Variants in ZNF804B observed in about 807,000 individuals in gnomAD.
ZNF804B encodes the protein zinc finger protein 804B.
ZNF804B carries 80 observed loss-of-function variants against 101.4 expected under a neutral mutation model. The ratio of observed to expected loss-of-function variants is 0.79; its 90% confidence interval spans 0.66 to 0.95. ZNF804B has a LOEUF of 0.95. Among genes scored for constraint, ZNF804B ranks in the 40% least tolerant of loss-of-function variants. The pLI, the probability that ZNF804B is intolerant of heterozygous loss-of-function variation, is 0.00. For synonymous variants in ZNF804B, 622 were observed against 558.8 expected (o/e 1.11, Z -1.59); for missense variants, 1,673 against 1,561.9 (o/e 1.07, Z -1.20).
intron 1 of ZNF804B, among the ~76,000 whole-genome samples, chr7:88,825,879 G>C (rs964107091): frequency 1.1e-4 from 16 of 152,116 alleles, no homozygotes; most frequent in Non-Finnish European, 2.1e-4. Context: ...GTGCTGGCTT[G>C]GGTGATTCCT....
At chr7:88,790,451 G>A (rs550011757) in intron 1 of ZNF804B, among the ~76,000 whole-genome samples, 2 of 151,882 alleles carry the variant, frequency 1.3e-5, no homozygotes, top group Admixed American at 6.6e-5. Flanking sequence ...GGCCCTAGTG[G>A]GTGTTGTTTC....
At chr7:88,831,755 A>T (rs986953929) in intron 1 of ZNF804B, among the ~76,000 whole-genome samples, 11 of 151,644 alleles carry the variant, frequency 7.3e-5, no homozygotes, top group African/African-American at 2.7e-4. Flanking sequence ...TATTCTTATG[A>T]CAGACTGACC....
intron 1 of ZNF804B, among the ~76,000 whole-genome samples, chr7:89,012,420 A>C (rs1184245934): frequency 6.6e-6 from 1 of 152,072 alleles, no homozygotes; most frequent in Admixed American, 6.6e-5. Flanking sequence ...TTTCTTTTCT[A>C]TTGCATCATT....
chr7:89,089,283 A>C (rs1789849487), intron 1 of ZNF804B, among the ~76,000 whole-genome samples: 1 of 151,986 alleles, frequency 6.6e-6, no homozygotes, highest in African/African-American at 2.4e-5. Context: ...ATGTAACAAG[A>C]CATAATACTT....
At chr7:89,285,546 A>AG (rs1554389596) in intron 2 of ZNF804B, among the ~76,000 whole-genome samples, 14 of 93,444 alleles carry the variant, frequency 1.5e-4, no homozygotes, top group East Asian at 2.4e-4. Flanking sequence ...AAAAAAAAAA[A>AG]AAGAAGAAGA....
chr7:89,095,712 C>A (rs968383374), intron 1 of ZNF804B, among the ~76,000 whole-genome samples: 5 of 152,166 alleles, frequency 3.3e-5, no homozygotes, highest in African/African-American at 1.2e-4. Flanking sequence ...AGAATCCCAA[C>A]AAGTCAAAAT....
intron 2 of ZNF804B, among the ~76,000 whole-genome samples, chr7:89,226,971 A>G (rs1454238476): frequency 6.6e-6 from 1 of 152,144 alleles, no homozygotes; most frequent in Non-Finnish European, 1.5e-5. Flanking sequence ...CCTTACACAT[A>G]TATAGTAAAG....
At chr7:89,246,898 G>C (rs770935966) in intron 2 of ZNF804B, among the ~76,000 whole-genome samples, 3 of 152,070 alleles carry the variant, frequency 2.0e-5, no homozygotes, top group African/African-American at 7.2e-5. Flanking sequence ...GTATGCATGG[G>C]TGCCATCTCT....
At chr7:88,916,367 A>C (rs1438625199) in intron 1 of ZNF804B, among the ~76,000 whole-genome samples, 1 of 152,086 alleles carries the variant, frequency 6.6e-6, no homozygotes, top group Non-Finnish European at 1.5e-5. Context: ...ATTATAAGGT[A>C]TTTTCTGAGA....
chr7:88,772,570 A>AT (rs1790085176), intron 1 of ZNF804B, among the ~76,000 whole-genome samples: 1 of 152,212 alleles, frequency 6.6e-6, no homozygotes, highest in Admixed American at 6.5e-5. Flanking sequence ...AAGTAGACCA[A>AT]ATACATAGTA....
At chr7:88,882,878 A>G (rs1792064784) in intron 1 of ZNF804B, among the ~76,000 whole-genome samples, 1 of 152,062 alleles carries the variant, frequency 6.6e-6, no homozygotes, top group African/African-American at 2.4e-5. Flanking sequence ...GAGGAAGGGG[A>G]CAAGGGTTGA....
intron 2 of ZNF804B, among the ~76,000 whole-genome samples, chr7:89,266,152 T>C (rs990029294): frequency 7.9e-5 from 12 of 152,210 alleles, no homozygotes; most frequent in African/African-American, 2.4e-4. Context: ...ATTTCCATTC[T>C]TCTTCTGAGC....
chr7:89,184,883 A>C (rs940643926), intron 1 of ZNF804B, among the ~76,000 whole-genome samples: 3 of 152,168 alleles, frequency 2.0e-5, no homozygotes, highest in Non-Finnish European at 4.4e-5. Flanking sequence ...AACTAGACAG[A>C]ATATTTGACT....
rs146952132 is a variant in ZNF804B, at chr7:89,030,474, C to T, written c.109-187681C>T. Among the ~76,000 whole-genome samples the T allele has an allele frequency of 5.8e-3, 876 of 151,978 alleles. 9 individuals carry two copies. Among genetic ancestry groups the T allele is most frequent in the African/African-American group, 0.019 (787 of 41,470 alleles). On this transcript the variant is annotated intron_variant, in intron 1 of 3. Coordinates refer to ENST00000333190, the MANE Select transcript of ZNF804B (RefSeq NM_181646.5). ...GTATGCTTGATCATGACAAAAAAAACAAGATGAAAACATGTAGATTTATCA... is the reference window on the plus strand; with the variant it reads ...GTATGCTTGATCATGACAAAAAAAATAAGATGAAAACATGTAGATTTATCA...
chr7:89,336,556 G>T lies in ZNF804B; in HGVS notation c.3574G>T (p.Ala1192Ser), dbSNP rs1275837465. The T allele has an allele frequency of 6.2e-7, 1 of 1,613,994 alleles. No individual in the cohort carries two copies. ...PAAGPTAFSP[A>S]STVQTVPVHQ... ...TGCAGGGCCTACTGCCTTCTCTCCG[G>T]CCTCAACCGTACAGACAGTTCCAGT... The change falls in exon 4 of 4, where the codon GCC (alanine) becomes TCC (serine). Residue 1192 changes from alanine (A) to serine (S), a missense_variant. Transcript: ENST00000333190.
chr7:88,936,666 C>T (rs1301753096), intron 1 of ZNF804B, among the ~76,000 whole-genome samples: 1 of 152,036 alleles, frequency 6.6e-6, no homozygotes, highest in Non-Finnish European at 1.5e-5. Context: ...ATTCTTCAAT[C>T]TTCCTTCTTG....
At chr7:88,930,720 A>C (rs1792870363) in intron 1 of ZNF804B, among the ~76,000 whole-genome samples, 1 of 151,936 alleles carries the variant, frequency 6.6e-6, no homozygotes, top group Non-Finnish European at 1.5e-5. Flanking sequence ...TCTTCAAGAC[A>C]GCGTTCACCA....
At chr7:89,108,788 G>A (rs1238823358) in intron 1 of ZNF804B, among the ~76,000 whole-genome samples, 2 of 152,098 alleles carry the variant, frequency 1.3e-5, no homozygotes, top group Admixed American at 1.3e-4. Flanking sequence ...AGATCAAGAA[G>A]AGTGCTCACA....
intron 1 of ZNF804B, among the ~76,000 whole-genome samples, chr7:88,781,787 G>A (rs1441819729): frequency 3.9e-5 from 6 of 152,134 alleles, no homozygotes; most frequent in Admixed American, 3.9e-4. Context: ...TCTGCCATGT[G>A]TGAGTAGGTT....
Sources: allele counts gnomAD v4.1 joint callset (sites outside exome capture counted in the v4.1 genomes callset), GRCh38; gene constraint gnomAD v4.1.1; transcripts MANE v1.5; gene names NCBI Gene and HGNC (gene_info 2026-07-23, HGNC 2026-07-21).